CUX2: variants seen among roughly 807,000 people sequenced by gnomAD.
CUX2 encodes cut like homeobox 2.
A neutral mutation model predicts 144.8 loss-of-function variants in CUX2; 40 were observed. The ratio of observed to expected loss-of-function variants is 0.28; its 90% CI spans 0.21 to 0.36. CUX2 has a LOEUF of 0.36. Among genes scored for constraint, CUX2 ranks in the 10% least tolerant of loss-of-function variants. The pLI, the probability that CUX2 is intolerant of heterozygous loss-of-function variation, is 1.00. For synonymous variants in CUX2, 827 were observed against 875.6 expected (o/e 0.94, Z 0.98); for missense variants, 1,615 against 1,994.0 (o/e 0.81, Z 3.62).
In CUX2 at chr12:111,212,489, A is replaced by G. The variant is rs377135034; in HGVS notation, c.64-1711A>G. On this transcript the variant is annotated intron_variant, in intron 1 of 21. Coordinates refer to ENST00000261726, the MANE Select transcript of CUX2 (RefSeq NM_015267.4). ...CTGCAGCCTTGACCTCCTGAGCTCA[A>G]GCAGTCCTCCCACCTCAGCCTCCCA... is the stretch of plus-strand genomic sequence containing the variant. 4.6e-5 allele frequency among the ~76,000 whole-genome samples: 7 copies of G among 152,304 alleles called. No homozygotes were observed. In the South Asian group the frequency reaches 6.2e-4, roughly 14 times the overall value.
chr12:111,141,858 G>A lies in CUX2; in HGVS notation c.64-72342G>A, dbSNP rs548025125. ...CCAGCACTTTGGGAGGCTGAGGCAG[G>A]CAGATCACTTGAGGCCAGGAGTTCG... On this transcript the variant is annotated intron_variant, in intron 1 of 21. Coordinates refer to ENST00000261726, the MANE Select transcript of CUX2 (RefSeq NM_015267.4). 9.8e-5 allele frequency among the ~76,000 whole-genome samples: 15 copies of A among 152,352 alleles called. No homozygotes were observed. In the East Asian group the frequency reaches 1.5e-3, roughly 16 times the overall value.
chr12:111,322,296 CGACA>C lies in CUX2; in HGVS notation c.2767-120_2767-117del. 5.6e-6 allele frequency: 6 copies of C among 1,072,616 alleles called. No homozygotes were observed. The highest frequency in any genetic ancestry group is 7.6e-6 in the Non-Finnish European group (6 of 786,468). The allele number at this position is 1,072,616 out of a possible 1,614,324, so 66.4% of individuals were successfully genotyped here. ...TGGTGCCACTGCACTCCATCCTGGG[CGACA>C]GACAAAGCGAGACTCTGCCTCAAAA... is the stretch of plus-strand genomic sequence containing the variant. On this transcript the variant is annotated intron_variant, in intron 17 of 21. Coordinates refer to ENST00000261726, the MANE Select transcript of CUX2 (RefSeq NM_015267.4). The surrounding 1 kb of genome is among the most constrained non-coding windows in gnomAD (Gnocchi z 4.2).
intron 1 of CUX2, among the ~76,000 whole-genome samples, chr12:111,124,834 A>G (rs907077920): frequency 2.0e-5 from 3 of 151,930 alleles, no homozygotes; most frequent in Admixed American, 2.0e-4. Flanking sequence ...TATTGTTGCT[A>G]TTTTGATGTC....
rs1383211888 is a variant in CUX2 at position 111,310,006 on chromosome 12, G to A, written c.1259-35G>A. 51 of 1,195,438 alleles carry A rather than the reference G, an allele frequency of 4.3e-5. No homozygotes were observed. Among genetic ancestry groups the A allele is most frequent in the South Asian group, 7.6e-5 (2 of 26,276 alleles). The allele number at this position is 1,195,438 out of a possible 1,614,324, so 74.1% of individuals were successfully genotyped here. ...CTCTCCCCTCATCATCGTCTTCCCC[G>A]TCTGTCTGTCTGTCTGTCTGTCTGG... On this transcript the variant is annotated intron_variant, in intron 14 of 21. Coordinates refer to ENST00000261726, the MANE Select transcript of CUX2 (RefSeq NM_015267.4). The surrounding 1 kb of genome is among the most constrained non-coding windows in gnomAD (Gnocchi z 7.9).
At chr12:111,303,145 C>G (rs373483072) in intron 9 of CUX2, among the ~76,000 whole-genome samples, 1 of 141,050 alleles carries the variant, frequency 7.1e-6, no homozygotes, top group African/African-American at 2.6e-5. Flanking sequence ...CAATTGATCC[C>G]GGGAGTTGGA....
intron 1 of CUX2, among the ~76,000 whole-genome samples, chr12:111,129,598 T>C (rs1486013770): frequency 6.6e-6 from 1 of 152,260 alleles, no homozygotes; most frequent in East Asian, 1.9e-4. Context: ...GATCCATCTG[T>C]CTTCTACATA....
At position 111,087,260 on chromosome 12, in the gene CUX2, C is replaced by T. The variant is rs551670387; in HGVS notation, c.63+53020C>T. Among the ~76,000 whole-genome samples, 300 of 148,776 alleles carry T rather than the reference C, an allele frequency of 2.0e-3. 9 individuals carry two copies. The highest frequency in any genetic ancestry group is 6.4e-3 in the African/African-American group (258 of 40,536). ...GCGGGCACCTGTAATCCCAGCTACT[C>T]GGAAGGCTGAGGCAGGAGAATTGCT... On this transcript the variant is annotated intron_variant, in intron 1 of 21. Coordinates refer to ENST00000261726, the MANE Select transcript of CUX2 (RefSeq NM_015267.4).
intron 1 of CUX2, among the ~76,000 whole-genome samples, chr12:111,176,249 AT>A (rs1878852472): frequency 6.6e-6 from 1 of 151,060 alleles, no homozygotes; most frequent in Non-Finnish European, 1.5e-5. Flanking sequence ...GTCTCACTAT[AT>A]TGCCCAGGCT....
At chr12:111,303,614 T>C (rs1592940811) in intron 9 of CUX2, among the ~76,000 whole-genome samples, 1 of 146,844 alleles carries the variant, frequency 6.8e-6, no homozygotes. Context: ...CCAGCCTGGG[T>C]GACAAGAGTG....
In CUX2 at chr12:111,304,427, A is replaced by G; in HGVS notation, c.858+113A>G. The G allele has an allele frequency of 2.5e-6, 2 of 806,792 alleles. No homozygotes were observed. The highest frequency in any genetic ancestry group is 2.7e-5 in the East Asian group (1 of 37,130). The allele number at this position is 806,792 out of a possible 1,614,324, so 50.0% of individuals were successfully genotyped here. A position where few individuals can be genotyped will look rare whatever the true frequency, so the allele number is the denominator to read the frequency against. ...ACTTTGTGGTTGATTGTGTGCATCC[A>G]TTTGAAACTGGGAGTGTGAATGTGT... On this transcript the variant is annotated intron_variant, in intron 10 of 21. Transcript: ENST00000261726. The surrounding 1 kb of genome is among the most constrained non-coding windows in gnomAD (Gnocchi z 4.7).
At chr12:111,182,250 A>C (rs1357515579) in intron 1 of CUX2, among the ~76,000 whole-genome samples, 6 of 152,174 alleles carry the variant, frequency 3.9e-5, no homozygotes, top group Non-Finnish European at 8.8e-5. Flanking sequence ...ATCCATAGTG[A>C]TCAGAGCTCA....
At chr12:111,313,436 T>TA (rs1291069847) in intron 16 of CUX2, among the ~76,000 whole-genome samples, 2 of 150,852 alleles carry the variant, frequency 1.3e-5, no homozygotes, top group South Asian at 2.1e-4. Flanking sequence ...GGTCAGGAGT[T>TA]AGAGACAAGC....
At chr12:111,058,332 G>A (rs1182733791) in intron 1 of CUX2, among the ~76,000 whole-genome samples, 2 of 152,232 alleles carry the variant, frequency 1.3e-5, no homozygotes, top group Admixed American at 6.5e-5. Flanking sequence ...AATGCTCCAT[G>A]ATCTTAAAAA....
At chr12:111,069,557 C>T (rs1037072035) in intron 1 of CUX2, among the ~76,000 whole-genome samples, 2 of 150,430 alleles carry the variant, frequency 1.3e-5, no homozygotes, top group East Asian at 1.9e-4. Flanking sequence ...TGTGTGCGCG[C>T]GCGTGTGTGT....
At chr12:111,040,703 C>G (rs73411389) in intron 1 of CUX2, among the ~76,000 whole-genome samples, 3,131 of 152,284 alleles carry the variant, frequency 0.021, 99 homozygotes, top group African/African-American at 0.07. Context: ...TGGTCTCTCT[C>G]TACACATGCT....
intron 4 of CUX2, among the ~76,000 whole-genome samples, chr12:111,267,551 G>C (rs1367535958): frequency 6.6e-6 from 1 of 152,198 alleles, no homozygotes; most frequent in African/African-American, 2.4e-5. Context: ...CTGGCTGCAC[G>C]TGGAAGGCTG....
intron 1 of CUX2, among the ~76,000 whole-genome samples, chr12:111,097,088 A>G (rs967110758): frequency 6.6e-6 from 1 of 152,232 alleles, no homozygotes; most frequent in East Asian, 1.9e-4. Flanking sequence ...GAGCCTTGCC[A>G]ACACATCGGA....
At chr12:111,083,699 C>T (rs756431565) in intron 1 of CUX2, among the ~76,000 whole-genome samples, 15 of 151,902 alleles carry the variant, frequency 9.9e-5, no homozygotes, top group Non-Finnish European at 1.3e-4. Flanking sequence ...GTGGAGGGGA[C>T]GCCCACCGAG....
chr12:111,192,285 G>A (rs1174463374), intron 1 of CUX2, among the ~76,000 whole-genome samples: 4 of 151,548 alleles, frequency 2.6e-5, no homozygotes, highest in African/African-American at 4.9e-5. Context: ...CACCACCGAC[G>A]CCCAGCTGAT....
Sources: allele counts gnomAD v4.1 joint callset (sites outside exome capture counted in the v4.1 genomes callset), GRCh38; gene constraint gnomAD v4.1.1; non-coding constraint Gnocchi (gnomAD v3.1); transcripts MANE v1.5; gene names NCBI Gene and HGNC (gene_info 2026-07-23, HGNC 2026-07-21).